Variants in IL20RB observed in about 807,000 individuals in gnomAD.
The protein encoded by IL20RB is interleukin 20 receptor subunit beta, also known as interleukin-20 receptor subunit beta.
In IL20RB, 21 loss-of-function variants were observed where a neutral mutation model predicts 33.3. The ratio of observed to expected loss-of-function variants is 0.63; its 90% CI spans 0.45 to 0.91. The LOEUF (loss-of-function observed/expected upper bound fraction) is 0.91. Among genes scored for constraint, IL20RB ranks in the 40% least tolerant of loss-of-function variants. IL20RB has a pLI of 0.00. For synonymous variants in IL20RB, 147 were observed against 146.8 expected, an observed-to-expected ratio of 1.00 and a Z score of -0.01; for missense variants, 345 against 384.8, an observed-to-expected ratio of 0.90 and a Z score of 0.86.
At position 137,010,130 on chromosome 3, in the gene IL20RB, C is replaced by T; in HGVS notation, c.843C>T (p.Pro281=). 1 of 1,590,050 alleles carries T rather than the reference C, an allele frequency of 6.3e-7. No homozygotes were observed. Among genetic ancestry groups the T allele is most frequent in the Non-Finnish European group, 8.6e-7 (1 of 1,158,178 alleles). ...LPDTLKITNS[P]QKLISCRREE... The stretch of plus-strand genomic sequence containing the variant: ...TTTTTCAGAAAATAACCAATTCACC[C>T]CAGAAGTTAATCAGCTGCAGAAGGG... The change falls in exon 7 of 7, where the codon CCC becomes CCT. Residue 281 remains proline, a synonymous_variant. Transcript: ENST00000329582.
intron 6 of IL20RB, among the ~76,000 whole-genome samples, chr3:137,005,703 G>T (rs1032003387): frequency 6.6e-6 from 1 of 152,124 alleles, no homozygotes; most frequent in Non-Finnish European, 1.5e-5. Context: ...ACACTGATGG[G>T]TCTTGACTCT....
At position 136,958,131 on chromosome 3, in the gene IL20RB, G is replaced by A. The variant is rs1941091602; in HGVS notation, c.18G>A (p.Met6Ile). The change falls in exon 1 of 7, where the codon ATG (methionine) becomes ATA (isoleucine). Residue 6 changes from methionine to isoleucine, a missense_variant. Transcript: ENST00000329582. The part of the protein sequence containing the change: MQTFT[M>I]VLEEIWTSLF... ...TCTACCAAATGCAGACTTTCACAAT[G>A]GTTCTAGAAGAAATCTGGACAAGTC... is the stretch of plus-strand genomic sequence containing the variant. 6.2e-7 allele frequency: 1 copy of A among 1,607,884 alleles called. No individual in the cohort carries two copies. Among genetic ancestry groups the A allele is most frequent in the Admixed American group, 1.7e-5 (1 of 59,898 alleles).
At chr3:136,980,714 T>G in intron 2 of IL20RB, 122 bp downstream of exon 2, 2 of 968,932 alleles carry the variant, frequency 2.1e-6, no homozygotes, top group Non-Finnish European at 3.2e-6. Context: ...CCCAAAGATC[T>G]ACCCCCTCTG....
intron 1 of IL20RB, among the ~76,000 whole-genome samples, chr3:136,973,085 T>A (rs1415583196): frequency 6.6e-6 from 1 of 152,218 alleles, no homozygotes; most frequent in South Asian, 2.1e-4. Context: ...TTAATTTCCA[T>A]GTACTTAAAC....
At chr3:136,985,805 C>T (rs1024404225) in intron 3 of IL20RB, among the ~76,000 whole-genome samples, 1 of 152,094 alleles carries the variant, frequency 6.6e-6, no homozygotes, top group Non-Finnish European at 1.5e-5. Flanking sequence ...TTAAAATTCT[C>T]CCCAGATTAT....
intron 1 of IL20RB, among the ~76,000 whole-genome samples, chr3:136,975,414 CT>C (rs1941590865): frequency 6.6e-6 from 1 of 152,178 alleles, no homozygotes. Context: ...TCTTGGCTCA[CT>C]GCAACCTCTG....
Position 136,958,055 on chromosome 3 carries a change from T to C in IL20RB, c.-59T>C. 1 of 1,025,380 alleles carries C rather than the reference T, an allele frequency of 9.8e-7. No individual in the cohort carries two copies. Among genetic ancestry groups the C allele is most frequent in the Non-Finnish European group, 1.5e-6 (1 of 654,008 alleles). 63.5% of individuals were successfully genotyped at this position (1,025,380 alleles called of 1,614,324 possible). On this transcript the variant is annotated 5_prime_UTR_variant, in exon 1 of 7. It removes an upstream start codon present in the reference 5' UTR. Transcript: ENST00000329582. Reference sequence around the variant, plus strand: ...GCATTCTGAAGAAAGATGGCTGAGATGGACAGAATGCTTTATTTTGGAAAG... The same window carrying C: ...GCATTCTGAAGAAAGATGGCTGAGACGGACAGAATGCTTTATTTTGGAAAG...
At chr3:136,972,110 A>C (rs1315479147) in intron 1 of IL20RB, among the ~76,000 whole-genome samples, 1 of 152,056 alleles carries the variant, frequency 6.6e-6, no homozygotes, top group Non-Finnish European at 1.5e-5. Context: ...ATTTTTTCAT[A>C]TATCTGTTGG....
chr3:136,974,489 C>T (rs544882099), intron 1 of IL20RB, among the ~76,000 whole-genome samples: 21 of 152,222 alleles, frequency 1.4e-4, no homozygotes, highest in South Asian at 8.3e-4. Context: ...CTGGCCTATG[C>T]GATTTCTGCT....
At chr3:136,979,850 T>C (rs1941724380) in intron 1 of IL20RB, among the ~76,000 whole-genome samples, 1 of 152,234 alleles carries the variant, frequency 6.6e-6, no homozygotes. Context: ...TGCTTTGGCA[T>C]CTGAGGATGG....
intron 6 of IL20RB, among the ~76,000 whole-genome samples, chr3:137,009,300 CG>C (rs1161162424): frequency 1.3e-5 from 2 of 152,008 alleles, no homozygotes; most frequent in African/African-American, 4.8e-5. Flanking sequence ...GGTGAGCAGG[CG>C]AGTAATAGGT....
Position 136,996,149 on chromosome 3 carries a change from T to A in IL20RB, c.825+593T>A, listed in dbSNP as rs184233033. Among the ~76,000 whole-genome samples, 18 of 152,146 alleles carry A rather than the reference T, an allele frequency of 1.2e-4. No homozygotes were observed. In the East Asian group the frequency reaches 3.5e-3, roughly 29 times the overall value. ...TCCTCATGAGGTCAGAATTCTTATCTTACTCCTGAGGGCCCTGGACCACAG... is the reference window on the plus strand; with the variant it reads ...TCCTCATGAGGTCAGAATTCTTATCATACTCCTGAGGGCCCTGGACCACAG... On this transcript the variant is annotated intron_variant, in intron 6 of 6. Coordinates refer to ENST00000329582, the MANE Select transcript of IL20RB (RefSeq NM_144717.4).
At chr3:137,005,449 C>T (rs1942331500) in intron 6 of IL20RB, among the ~76,000 whole-genome samples, 2 of 152,174 alleles carry the variant, frequency 1.3e-5, no homozygotes, top group Non-Finnish European at 2.9e-5. Context: ...CTGGGTGCTC[C>T]TGTATTGGGT....
chr3:136,977,058 T>C (rs927765457), intron 1 of IL20RB, among the ~76,000 whole-genome samples: 3 of 152,192 alleles, frequency 2.0e-5, no homozygotes, highest in African/African-American at 7.2e-5. Flanking sequence ...CCTCCTTCCT[T>C]GCTTTTGGTG....
chr3:137,004,055 G>T (rs949387036), intron 6 of IL20RB, among the ~76,000 whole-genome samples: 13 of 152,156 alleles, frequency 8.5e-5, no homozygotes, highest in African/African-American at 2.7e-4. Flanking sequence ...TTTATGTGAT[G>T]GATTATGTTT....
intron 5 of IL20RB, among the ~76,000 whole-genome samples, chr3:136,994,798 T>C (rs1214963819): frequency 1.3e-5 from 2 of 152,176 alleles, no homozygotes; most frequent in African/African-American, 2.4e-5. Flanking sequence ...ATTCTGAGCA[T>C]AGATTCCTCT....
rs1239116063 is a variant in IL20RB at position 137,010,917 on chromosome 3, G to A, written c.*694G>A. 2 of 152,274 alleles carry A rather than the reference G, an allele frequency of 1.3e-5. No individual in the cohort carries two copies. Among genetic ancestry groups the A allele is most frequent in the African/African-American group, 4.8e-5 (2 of 41,460 alleles). The allele number at this position is 152,274 out of a possible 1,614,324, so 9.4% of individuals were successfully genotyped here. On this transcript the variant is annotated 3_prime_UTR_variant, in exon 7 of 7. Transcript: ENST00000329582. ...GAGGATCCATGAACTACTGTAAAGT[G>A]TTGACAGTGTGTGCACACTGCAGAC...
rs181749667 is a variant in IL20RB at position 136,973,282 on chromosome 3, C to A, written c.89-7184C>A. Among the ~76,000 whole-genome samples, 44 of 151,522 alleles carry A rather than the reference C, an allele frequency of 2.9e-4. No homozygotes were observed. The East Asian group carries it at 6.4e-3, about 22-fold the overall frequency. ...GGATCACAAGGCCAGGAGATAGAGACCATCCTGGCTAACAGGGTGAAACCC... is the reference window on the plus strand; with the variant it reads ...GGATCACAAGGCCAGGAGATAGAGAACATCCTGGCTAACAGGGTGAAACCC... On this transcript the variant is annotated intron_variant, in intron 1 of 6. Transcript: ENST00000329582.
Position 136,989,427 on chromosome 3 carries a change from TG to T in IL20RB, c.407-13del. The stretch of plus-strand genomic sequence containing the variant: ...CTGGGGCTGGCTTTGACTCTCCTGT[TG>T]TCTTGCCAACAGCCATCCTTACCCG... On this transcript the variant is annotated splice_polypyrimidine_tract_variant and intron_variant, in intron 3 of 6. Coordinates refer to ENST00000329582, the MANE Select transcript of IL20RB (RefSeq NM_144717.4). 6.2e-7 allele frequency: 1 copy of T among 1,613,364 alleles called. No individual in the cohort carries two copies. Among genetic ancestry groups the T allele is most frequent in the Non-Finnish European group, 8.5e-7 (1 of 1,179,530 alleles).
Sources: gnomAD v4.1 joint callset for allele counts (sites outside exome capture counted in the v4.1 genomes callset) on GRCh38, gnomAD v4.1.1 for gene constraint, MANE v1.5 for transcripts, NCBI Gene and HGNC (gene_info 2026-07-23, HGNC 2026-07-21) for gene names.